The following CHST10 variants were observed in gnomAD, a reference collection of about 807,000 sequenced individuals.
The protein encoded by CHST10 is carbohydrate sulfotransferase 10.
In CHST10, 24 loss-of-function variants were observed where a neutral mutation model predicts 34.7. The observed-to-expected ratio is 0.69, with a 90% CI of 0.50 to 0.97. CHST10 has a LOEUF of 0.97. CHST10 is among the 50% of genes least tolerant of loss of function. CHST10 has a pLI of 0.00. For missense variants in CHST10, 402 were observed against 452.1 expected, an observed-to-expected ratio of 0.89 and a Z score of 1.00; for synonymous variants, 161 against 169.3, an observed-to-expected ratio of 0.95 and a Z score of 0.38.
At chr2:100,408,325 C>T (rs1675673801) in intron 2 of CHST10, 1 of 152,192 alleles carries the variant, frequency 6.6e-6, no homozygotes, top group African/African-American at 2.4e-5. Flanking sequence ...ACAATCCCCT[C>T]CTCCTTCCGC....
intron 2 of CHST10, among the ~76,000 whole-genome samples, chr2:100,407,482 A>G (rs1038343088): frequency 2.6e-5 from 4 of 152,160 alleles, no homozygotes; most frequent in African/African-American, 9.7e-5. Flanking sequence ...AAAGCTCTCC[A>G]CGTACAGACA....
intron 2 of CHST10, among the ~76,000 whole-genome samples, chr2:100,410,457 C>T: frequency 6.6e-6 from 1 of 152,208 alleles, no homozygotes; most frequent in East Asian, 1.9e-4. Context: ...GGGACCAGCA[C>T]AGTGCCTGGC....
Position 100,393,785 on chromosome 2 carries a change from A to G in CHST10, c.534-3T>C, listed in dbSNP as rs1396251358. 10 of 1,602,442 alleles carry G rather than the reference A, an allele frequency of 6.2e-6. No individual in the cohort carries two copies. The highest frequency in any genetic ancestry group is 8.5e-6 in the Non-Finnish European group (10 of 1,177,498). The stretch of plus-strand genomic sequence containing the variant: ...AAAACTTGAAGTATGTTTTCAATCT[A>G]AGGAAAAAAACGAACAAGAGGTTAA... On this transcript the variant is annotated splice_region_variant and splice_polypyrimidine_tract_variant and intron_variant, in intron 6 of 6. Transcript: ENST00000264249.
chr2:100,406,512 T>C, intron 3 of CHST10, 64 bp downstream of exon 3: 1 of 1,589,524 alleles, frequency 6.3e-7, no homozygotes, highest in Non-Finnish European at 8.6e-7. Flanking sequence ...TGCATGTACC[T>C]AGGAACAGTG....
At chr2:100,411,109 A>AT (rs1675815185) in intron 2 of CHST10, among the ~76,000 whole-genome samples, 5 of 139,334 alleles carry the variant, frequency 3.6e-5, no homozygotes, top group Admixed American at 2.8e-4. Context: ...TGTAATAAGC[A>AT]TTTTTTCTTT....
chr2:100,410,741 A>C (rs1675797088), intron 2 of CHST10, among the ~76,000 whole-genome samples: 1 of 152,234 alleles, frequency 6.6e-6, no homozygotes, highest in Non-Finnish European at 1.5e-5. Flanking sequence ...AAAATGATCT[A>C]AGCCACAGCA....
rs1176051447 is a variant in CHST10, at chr2:100,393,784, T to A, written c.534-2A>T. On this transcript the variant is annotated splice_acceptor_variant, in intron 6 of 6. Coordinates refer to ENST00000264249, the MANE Select transcript of CHST10 (RefSeq NM_004854.5). LOFTEE classifies it high-confidence loss of function. ...AAAAACTTGAAGTATGTTTTCAATC[T>A]AAGGAAAAAAACGAACAAGAGGTTA... is the stretch of plus-strand genomic sequence containing the variant. 1 of 1,600,842 alleles carries A rather than the reference T, an allele frequency of 6.2e-7. No individual in the cohort carries two copies.
intron 2 of CHST10, chr2:100,408,594 C>T (rs956991113): frequency 5.3e-5 from 8 of 151,398 alleles, no homozygotes; most frequent in African/African-American, 1.7e-4. Context: ...TGGCACTCTT[C>T]GTGATTTTCC....
rs756646964 is a variant in CHST10, at chr2:100,393,631, G to A, written c.685C>T (p.Arg229Trp). 22 of 1,614,032 alleles carry A rather than the reference G, an allele frequency of 1.4e-5. No individual in the cohort carries two copies. Among genetic ancestry groups the A allele is most frequent in the East Asian group, 2.2e-5 (1 of 44,896 alleles). Residue 229 changes from arginine to tryptophan, a missense_variant, in exon 7 of 7, where the codon CGG becomes TGG. By Grantham distance (101) the Arg-to-Trp change is moderately radical (BLOSUM62 -3). Transcript: ENST00000264249. Reference protein sequence around the residue: ...PGIIRKYRRNRTETRGIQFED... With the variant: ...PGIIRKYRRNWTETRGIQFED... Reference sequence around the variant, plus strand: ...AACTGGATCCCCCGGGTCTCTGTCCGGTTCCTCCTGTATTTTCTGATGATG... The same window carrying A: ...AACTGGATCCCCCGGGTCTCTGTCCAGTTCCTCCTGTATTTTCTGATGATG...
intron 3 of CHST10, among the ~76,000 whole-genome samples, chr2:100,403,996 G>A (rs75460059): frequency 3.0e-3 from 450 of 152,308 alleles, no homozygotes; most frequent in African/African-American, 0.01. Flanking sequence ...TGCAGGGGCA[G>A]GCTCTGAGTG....
intron 4 of CHST10, among the ~76,000 whole-genome samples, chr2:100,400,741 C>T (rs535792287): frequency 1.6e-4 from 24 of 152,302 alleles, no homozygotes; most frequent in Non-Finnish European, 2.5e-4. Flanking sequence ...TGCAATGGCA[C>T]GATCTCAGCT....
rs1218768016 is a variant in CHST10 at position 100,402,635 on chromosome 2, A to C, written c.121T>G (p.Phe41Val). The C allele has an allele frequency of 6.2e-7, 1 of 1,613,734 alleles. No individual in the cohort carries two copies. The highest frequency in any genetic ancestry group is 1.3e-5 in the African/African-American group (1 of 74,868). The change falls in exon 4 of 7, where the codon TTT becomes GTT. Residue 41 changes from phenylalanine to valine, a missense_variant. Physicochemically the swap from Phe to Val is conservative, Grantham distance 50 (BLOSUM62 -1). Transcript: ENST00000264249. ...DPDVYSAKQE[F>V]LFLTTMPEVR... Reference sequence around the variant, plus strand: ...TCCGGCATGGTTGTCAGGAACAGAAACTCCTGTTTGGCACTGTACACTGGA... The same window carrying C: ...TCCGGCATGGTTGTCAGGAACAGAACCTCCTGTTTGGCACTGTACACTGGA...
Position 100,393,303 on chromosome 2 carries a change from C to T in CHST10, c.1013G>A (p.Arg338His), listed in dbSNP as rs143836571. The change falls in exon 7 of 7, where the codon CGT (arginine) becomes CAT (histidine). Residue 338 changes from arginine (R) to histidine (H), a missense_variant. Arg to His is a conservative substitution (Grantham distance 29). Transcript: ENST00000264249. Reference protein sequence around the residue: ...SKRDIRRLYARFEGDFKLFGY... With the variant: ...SKRDIRRLYAHFEGDFKLFGY... The stretch of plus-strand genomic sequence containing the variant: ...AAAGAGCTTAAAGTCCCCTTCGAAA[C>T]GGGCATACAGGCGTCGGATGTCTCG... 94 of 1,614,090 alleles carry T rather than the reference C, an allele frequency of 5.8e-5. No homozygotes were observed. Among genetic ancestry groups the T allele is most frequent in the African/African-American group, 8.0e-5 (6 of 74,918 alleles).
In CHST10 at chr2:100,417,667, C is replaced by G. The variant is rs1055123011; in HGVS notation, c.-397G>C. 6.6e-6 allele frequency: 1 copy of G among 150,732 alleles called. No homozygotes were observed. The highest frequency in any genetic ancestry group is 2.4e-5 in the African/African-American group (1 of 41,278). 9.3% of individuals were successfully genotyped at this position (150,732 alleles called of 1,614,324 possible). A position where few individuals can be genotyped will look rare whatever the true frequency, so the allele number is the denominator to read the frequency against. ...GCGCCTATCCGGCCGTGCGCGCCGC[C>G]TGCCCGCGCGCGTCCCCGCCGCCGT... On this transcript the variant is annotated 5_prime_UTR_variant, in exon 1 of 7. Transcript: ENST00000264249.
intron 6 of CHST10, among the ~76,000 whole-genome samples, 186 bp from the exon 7 acceptor site, chr2:100,393,968 A>C (rs945143836): frequency 2.0e-5 from 3 of 152,156 alleles, no homozygotes; most frequent in Non-Finnish European, 4.4e-5. Flanking sequence ...TCCTGTTATT[A>C]CCACACTTTG....
At position 100,392,105 on chromosome 2, in the gene CHST10, C is replaced by A. The variant is rs1057063; in HGVS notation, c.*1140G>T. ...CCCTGCACCAGGGCCTACCTTGTTGCCAGGAAGCCGCACTGCTGGAGGCTA... is the reference window on the plus strand; with the variant it reads ...CCCTGCACCAGGGCCTACCTTGTTGACAGGAAGCCGCACTGCTGGAGGCTA... On this transcript the variant is annotated 3_prime_UTR_variant, in exon 7 of 7. Transcript: ENST00000264249. 0.11 allele frequency: 16,597 copies of A among 152,620 alleles called. 2,395 individuals carry two copies. Among genetic ancestry groups the A allele is most frequent in the African/African-American group, 0.32 (13,454 of 41,404 alleles). The allele number at this position is 152,620 out of a possible 1,614,324, so 9.5% of individuals were successfully genotyped here. A position where few individuals can be genotyped will look rare whatever the true frequency, so the allele number is the denominator to read the frequency against.
rs1306760329 is a variant in CHST10, at chr2:100,393,348, T to C, written c.968A>G (p.Tyr323Cys). Residue 323 changes from tyrosine to cysteine, a missense_variant, in exon 7 of 7, where the codon TAT becomes TGT. Tyr to Cys is a radical substitution (Grantham distance 194, BLOSUM62 -2). Coordinates refer to ENST00000264249, the MANE Select transcript of CHST10 (RefSeq NM_004854.5). ...TVYNRTKVEH[Y>C]FLGISKRDIR... ...GTCTCGTTTGCTGATGCCCAGGAAA[T>C]AGTGCTCCACCTTGGTTCTGTTATA... 4 of 1,613,994 alleles carry C rather than the reference T, an allele frequency of 2.5e-6. No individual in the cohort carries two copies. Among genetic ancestry groups the C allele is most frequent in the Non-Finnish European group, 2.5e-6 (3 of 1,180,020 alleles).
At chr2:100,410,532 C>T (rs750637457) in intron 2 of CHST10, among the ~76,000 whole-genome samples, 1 of 152,202 alleles carries the variant, frequency 6.6e-6, no homozygotes, top group Non-Finnish European at 1.5e-5. Context: ...TACTAGAACT[C>T]AGGAATGTGG....
intron 3 of CHST10, 24 bp from the exon 4 acceptor site, chr2:100,402,679 T>C (rs767471826): frequency 4.4e-6 from 7 of 1,604,588 alleles, no homozygotes; most frequent in South Asian, 1.1e-5. Context: ...AGGTTGAATG[T>C]CTTCTCTAAA....
Sources: allele counts gnomAD v4.1 joint callset (sites outside exome capture counted in the v4.1 genomes callset), GRCh38; gene constraint gnomAD v4.1.1; transcripts MANE v1.5; gene names NCBI Gene and HGNC (gene_info 2026-07-23, HGNC 2026-07-21).